Variants in TERT observed in about 807,000 individuals in gnomAD.
TERT encodes the protein telomerase catalytic subunit.
In TERT, 42 loss-of-function variants were observed where a neutral mutation model predicts 104.0. That is an observed-to-expected ratio of 0.40 (90% CI 0.32 to 0.52). TERT has a LOEUF of 0.52. Ranked by LOEUF, TERT falls within the 20% of genes least tolerant of loss-of-function variation. TERT has a pLI of 0.43. For missense variants in TERT, 1,101 were observed against 1,610.3 expected (o/e 0.68, Z 5.41); for synonymous variants, 781 against 725.6 (o/e 1.08, Z -1.23).
rs757988387 is a variant in TERT, at chr5:1,268,662, G to A, written c.2469-29C>T. ...GGGCGGGAAGACACAGGTGAGAGAC[G>A]GGCAGGGCATGTGCTGGACATGCGT... On this transcript the variant is annotated intron_variant, in intron 8 of 15. Transcript: ENST00000310581. This position sits in a 1 kb window ranked among gnomAD's most constrained non-coding sequence, Gnocchi z 5.5. The A allele has an allele frequency of 8.4e-6, 13 of 1,539,648 alleles. No homozygotes were observed. Among genetic ancestry groups the A allele is most frequent in the Admixed American group, 1.7e-5 (1 of 59,704 alleles).
rs1410335296 is a variant in TERT at position 1,262,532 on chromosome 5, G to A, written c.2843+1872C>T. On this transcript the variant is annotated intron_variant, in intron 11 of 15. Transcript: ENST00000310581. This position sits in a 1 kb window ranked among gnomAD's most constrained non-coding sequence, Gnocchi z 5.6. ...TGTATACTTCAGACACAGAGGATGT[G>A]AGTTCACCCTGAGTATGGCGAACCA... Among the ~76,000 whole-genome samples, 4 of 152,186 alleles carry A rather than the reference G, an allele frequency of 2.6e-5. No individual in the cohort carries two copies. Among genetic ancestry groups the A allele is most frequent in the Non-Finnish European group, 4.4e-5 (3 of 68,032 alleles).
intron 6 of TERT, 103 bp downstream of exon 6, chr5:1,278,538 G>T: frequency 1.3e-6 from 2 of 1,506,958 alleles, no homozygotes; most frequent in Non-Finnish European, 1.8e-6. Flanking sequence ...AATCATGGAA[G>T]TACCTCCACC....
rs1749801149 is a variant in TERT, at chr5:1,278,822, G to A, written c.2131-26C>T. 3.7e-6 allele frequency: 6 copies of A among 1,613,586 alleles called. No individual in the cohort carries two copies. The East Asian group carries it at 6.7e-5, about 18-fold the overall frequency. On this transcript the variant is annotated intron_variant, in intron 5 of 15. Coordinates refer to ENST00000310581, the MANE Select transcript of TERT (RefSeq NM_198253.3). ...CTGTGTGAGTGGAGGCGAGGAGACT[G>A]ACAGTGGCCACGCAGAAACTCAGAC...
chr5:1,267,234 C>T (rs1008487443), intron 9 of TERT, among the ~76,000 whole-genome samples: 1 of 152,202 alleles, frequency 6.6e-6, no homozygotes, highest in Non-Finnish European at 1.5e-5. Flanking sequence ...ACAGGAAAAA[C>T]CCGGAGTCTT....
At position 1,264,601 on chromosome 5, in the gene TERT, G is replaced by A. The variant is rs779014470; in HGVS notation, c.2655-9C>T. 5 of 1,613,898 alleles carry A rather than the reference G, an allele frequency of 3.1e-6. No homozygotes were observed. In the Admixed American group the frequency reaches 6.7e-5, roughly 22 times the overall value. Reference sequence around the variant, plus strand: ...CACCTCGGACCAGGGTCCTAAGGCAGAGGGGCAATGTCAGCCCCAGGATGC... The same window carrying A: ...CACCTCGGACCAGGGTCCTAAGGCAAAGGGGCAATGTCAGCCCCAGGATGC... On this transcript the variant is annotated splice_polypyrimidine_tract_variant and intron_variant, in intron 10 of 15. Coordinates refer to ENST00000310581, the MANE Select transcript of TERT (RefSeq NM_198253.3).
intron 5 of TERT, among the ~76,000 whole-genome samples, 182 bp from the exon 6 acceptor site, chr5:1,278,978 A>G (rs2126640886): frequency 6.6e-6 from 1 of 152,350 alleles, no homozygotes; most frequent in East Asian, 1.9e-4. Flanking sequence ...CCCCTGGCTC[A>G]GGACTGGGGT....
rs1579556814 is a variant in TERT, at chr5:1,265,391, G to C, written c.2655-799C>G. Among the ~76,000 whole-genome samples the C allele has an allele frequency of 1.3e-5, 2 of 152,156 alleles. No homozygotes were observed. Among genetic ancestry groups the C allele is most frequent in the East Asian group, 3.8e-4 (2 of 5,196 alleles). ...CATGGCTGCCGACTCATCAGAGACAGAGTTCTGCCCCCGGTGGGACCCCAA... is the reference window on the plus strand; with the variant it reads ...CATGGCTGCCGACTCATCAGAGACACAGTTCTGCCCCCGGTGGGACCCCAA... On this transcript the variant is annotated intron_variant, in intron 10 of 15. Coordinates refer to ENST00000310581, the MANE Select transcript of TERT (RefSeq NM_198253.3). The surrounding 1 kb of genome is among the most constrained non-coding windows in gnomAD (Gnocchi z 6.9).
chr5:1,278,923 G>T, intron 5 of TERT, 127 bp from the exon 6 acceptor site: 1 of 1,315,518 alleles, frequency 7.6e-7, no homozygotes, highest in Non-Finnish European at 1.1e-6. Context: ...CAGACCCCAA[G>T]GGCAGGGCGG....
rs576234874 is a variant in TERT at position 1,270,123 on chromosome 5, G to A, written c.2468+996C>T. Among the ~76,000 whole-genome samples the A allele has an allele frequency of 6.6e-5, 10 of 152,182 alleles. No individual in the cohort carries two copies. The East Asian group carries it at 7.7e-4, about 12-fold the overall frequency. On this transcript the variant is annotated intron_variant, in intron 8 of 15. Transcript: ENST00000310581. This position sits in a 1 kb window ranked among gnomAD's most constrained non-coding sequence, Gnocchi z 8.3. ...ACACACATGTGCACACGTGTCCCTC[G>A]GCCAAAATTCACTCTGCTGCCATGT... is the stretch of plus-strand genomic sequence containing the variant.
chr5:1,293,965 G>A lies in TERT; in HGVS notation c.921C>T (p.Pro307=), dbSNP rs1352359181. Residue 307 remains proline, a synonymous_variant, in exon 2 of 16, where the codon CCC becomes CCT. Transcript: ENST00000310581. ...PSVGRQHHAG[P]PSTSRPPRPW... is the part of the protein sequence containing the mutation. ...GACGTGGTGGCCGCGATGTGGATGG[G>A]GGGCCCGCGTGGTGCTGGCGGCCCA... 6.4e-7 allele frequency: 1 copy of A among 1,556,106 alleles called. No individual in the cohort carries two copies. The highest frequency in any genetic ancestry group is 8.7e-7 in the Non-Finnish European group (1 of 1,153,750).
Position 1,294,473 on chromosome 5 carries a change from C to G in TERT, c.413G>C (p.Gly138Ala). The G allele has an allele frequency of 1.3e-6, 2 of 1,590,392 alleles. No homozygotes were observed. Among genetic ancestry groups the G allele is most frequent in the Middle Eastern group, 3.4e-4 (2 of 5,806 alleles). ...GTCGCCCACGCGGCGCAGCAGCAGCCCCCACGCCCCGCTCCCCCGCAGTGC... is the reference window on the plus strand; with the variant it reads ...GTCGCCCACGCGGCGCAGCAGCAGCGCCCACGCCCCGCTCCCCCGCAGTGC... ...TDALRGSGAW[G>A]LLLRRVGDDV... The change falls in exon 2 of 16, where the codon GGG becomes GCG. Residue 138 changes from glycine (G) to alanine (A), a missense_variant. By Grantham distance (60) the Gly-to-Ala change is moderately conservative. Transcript: ENST00000310581.
rs907350449 is a variant in TERT, at chr5:1,288,558, C to G, written c.1573+4755G>C. On this transcript the variant is annotated intron_variant, in intron 2 of 15. Coordinates refer to ENST00000310581, the MANE Select transcript of TERT (RefSeq NM_198253.3). The surrounding 1 kb of genome is among the most constrained non-coding windows in gnomAD (Gnocchi z 5.3). ...GGCAGAGCCCAGCCTAAGCAATGAG[C>G]GGCAGGTGCCCAGAATAAGGTGACA... Among the ~76,000 whole-genome samples the G allele has an allele frequency of 1.3e-5, 2 of 151,982 alleles. No individual in the cohort carries two copies. Among genetic ancestry groups the G allele is most frequent in the African/African-American group, 4.8e-5 (2 of 41,366 alleles).
chr5:1,254,828 C>T lies in TERT; in HGVS notation c.3158-323G>A, dbSNP rs35013447. 0.06 allele frequency among the ~76,000 whole-genome samples: 9,195 copies of T among 152,178 alleles called. 905 individuals carry two copies. Among genetic ancestry groups the T allele is most frequent in the African/African-American group, 0.21 (8,684 of 41,474 alleles). On this transcript the variant is annotated intron_variant, in intron 14 of 15. Transcript: ENST00000310581. The stretch of plus-strand genomic sequence containing the variant: ...AGGACGGTGACTGGGAAGCAGAGGA[C>T]GGCGCGGGGCTCTGTCGTGGTGATA...
At chr5:1,273,929 G>A (rs1447931804) in intron 6 of TERT, among the ~76,000 whole-genome samples, 1 of 152,246 alleles carries the variant, frequency 6.6e-6, no homozygotes, top group Non-Finnish European at 1.5e-5. Flanking sequence ...TGCAGCCACA[G>A]CACAGGCAGG....
At chr5:1,275,621 G>A (rs1288504957) in intron 6 of TERT, among the ~76,000 whole-genome samples, 2 of 152,048 alleles carry the variant, frequency 1.3e-5, no homozygotes, top group African/African-American at 2.4e-5. Flanking sequence ...ATAGTTCAAA[G>A]GAAGATATGG....
In TERT at chr5:1,288,929, A is replaced by G. The variant is rs1750660093; in HGVS notation, c.1573+4384T>C. Among the ~76,000 whole-genome samples the G allele has an allele frequency of 6.6e-6, 1 of 152,192 alleles. No homozygotes were observed. The highest frequency in any genetic ancestry group is 2.4e-5 in the African/African-American group (1 of 41,442). Reference sequence around the variant, plus strand: ...GCAAAATGGAACGGAGAGGTGACCAAGAAGAGCCGAGCATCAGAAAAGATA... The same window carrying G: ...GCAAAATGGAACGGAGAGGTGACCAGGAAGAGCCGAGCATCAGAAAAGATA... On this transcript the variant is annotated intron_variant, in intron 2 of 15. Coordinates refer to ENST00000310581, the MANE Select transcript of TERT (RefSeq NM_198253.3). The surrounding 1 kb of genome is among the most constrained non-coding windows in gnomAD (Gnocchi z 5.3).
chr5:1,290,114 T>G (rs959259076), intron 2 of TERT, among the ~76,000 whole-genome samples: 76 of 66,656 alleles, frequency 1.1e-3, no homozygotes, highest in Non-Finnish European at 1.7e-3. Context: ...ACCCTGCACG[T>G]GACAGGGACA....
intron 12 of TERT, among the ~76,000 whole-genome samples, chr5:1,259,574 T>A (rs571958086): frequency 9.1e-5 from 10 of 110,060 alleles, no homozygotes; most frequent in Middle Eastern, 9.1e-3. Flanking sequence ...TGGACGCAGA[T>A]GCCCACAGGA....
chr5:1,279,595 G>C, intron 4 of TERT, 125 bp from the exon 5 acceptor site: 1 of 954,648 alleles, frequency 1.0e-6, no homozygotes, highest in Non-Finnish European at 1.6e-6. Context: ...CCGGGACCTA[G>C]AACCCCTCCC....
Sources: gnomAD v4.1 joint callset for allele counts (sites outside exome capture counted in the v4.1 genomes callset) on GRCh38, gnomAD v4.1.1 for gene constraint, Gnocchi (gnomAD v3.1) non-coding constraint, MANE v1.5 for transcripts, NCBI Gene and HGNC (gene_info 2026-07-23, HGNC 2026-07-21) for gene names.